Variants in SEMA3D observed in about 807,000 individuals in gnomAD.
SEMA3D encodes semaphorin-3D.
In SEMA3D, 84 loss-of-function variants were observed where a neutral mutation model predicts 100.1. That is an observed-to-expected ratio of 0.84 (90% CI 0.70 to 1.01). The LOEUF is 1.01. Among genes scored for constraint, SEMA3D ranks in the 50% least tolerant of loss-of-function variants. SEMA3D has a pLI of 0.00. For missense variants in SEMA3D, 875 were observed against 934.1 expected (o/e 0.94, Z 0.82); for synonymous variants, 312 against 320.7 (o/e 0.97, Z 0.29).
At chr7:85,235,621 G>GT in the SEMA3D span, among the ~76,000 whole-genome samples, 5 of 152,254 alleles carry the variant, frequency 3.3e-5, no homozygotes, top group South Asian at 1.0e-3. Context: ...ATGGTAAAAT[G>GT]TATAATATGG....
At chr7:85,089,103 T>C (rs1346022145) in intron 4 of SEMA3D, among the ~76,000 whole-genome samples, 1 of 152,158 alleles carries the variant, frequency 6.6e-6, no homozygotes, top group Non-Finnish European at 1.5e-5. Context: ...GCATCGCCGC[T>C]TGGTTTGTGA....
chr7:85,010,096 T>C (rs1283683450), intron 17 of SEMA3D, among the ~76,000 whole-genome samples: 2 of 151,738 alleles, frequency 1.3e-5, no homozygotes, highest in Non-Finnish European at 2.9e-5. Flanking sequence ...TATAAAAAGA[T>C]GGAGCTAAGT....
chr7:85,102,400 G>A (rs555059586), intron 3 of SEMA3D, among the ~76,000 whole-genome samples: 2 of 152,072 alleles, frequency 1.3e-5, no homozygotes, highest in African/African-American at 4.8e-5. Flanking sequence ...CCAGCACCTA[G>A]CTCAGAGTCT....
At chr7:85,127,091 A>G (rs1789590644) in intron 2 of SEMA3D, among the ~76,000 whole-genome samples, 1 of 152,258 alleles carries the variant, frequency 6.6e-6, no homozygotes, top group East Asian at 1.9e-4. Flanking sequence ...CTGGAAGGCC[A>G]TCTGACTCCT....
intron 7 of SEMA3D, among the ~76,000 whole-genome samples, chr7:85,066,113 GA>G (rs1018311823): frequency 2.0e-5 from 3 of 152,116 alleles, no homozygotes; most frequent in African/African-American, 7.2e-5. Flanking sequence ...TGATAAACAG[GA>G]ATTCTTGAAA....
intron 1 of SEMA3D, among the ~76,000 whole-genome samples, chr7:85,158,663 C>T (rs560793027): frequency 2.4e-4 from 36 of 152,260 alleles, no homozygotes; most frequent in African/African-American, 7.2e-4. Flanking sequence ...ACACCCTATT[C>T]GTACAATCCC....
intron 18 of SEMA3D, among the ~76,000 whole-genome samples, chr7:85,002,554 A>G (rs1344876099): frequency 6.6e-6 from 1 of 152,178 alleles, no homozygotes; most frequent in Non-Finnish European, 1.5e-5. Context: ...CATTATGCAG[A>G]CTGTATCTCA....
chr7:85,174,318 A>C (rs1466104493), intron 1 of SEMA3D, among the ~76,000 whole-genome samples: 1 of 152,128 alleles, frequency 6.6e-6, no homozygotes, highest in Non-Finnish European at 1.5e-5. Context: ...AGTGCCTGGC[A>C]TGCAGCGGGT....
intron 17 of SEMA3D, among the ~76,000 whole-genome samples, chr7:85,008,310 A>G (rs1461345528): frequency 1.3e-5 from 2 of 151,812 alleles, no homozygotes; most frequent in Non-Finnish European, 1.5e-5. Flanking sequence ...TAAAAGATAA[A>G]TTGGTGAAAT....
intron 6 of SEMA3D, 55 bp from the exon 7 acceptor site, chr7:85,068,339 A>G: frequency 1.1e-6 from 1 of 904,716 alleles, no homozygotes; most frequent in Non-Finnish European, 1.8e-6. Context: ...ACAAACAGTA[A>G]GAATGTGGGA....
chr7:85,216,876 T>C, the SEMA3D span, among the ~76,000 whole-genome samples: 1 of 151,886 alleles, frequency 6.6e-6, no homozygotes, highest in Non-Finnish European at 1.5e-5. Flanking sequence ...TCTTAAGATC[T>C]CCCACCCCCA....
intron 12 of SEMA3D, among the ~76,000 whole-genome samples, chr7:85,026,591 CT>C (rs1790396941): frequency 6.6e-6 from 1 of 152,000 alleles, no homozygotes; most frequent in South Asian, 2.1e-4. Context: ...TAGTCTAACA[CT>C]AGACAAATTA....
intron 2 of SEMA3D, chr7:85,144,281 G>C (rs1790136925): frequency 5.7e-6 from 1 of 175,238 alleles, no homozygotes; most frequent in Non-Finnish European, 1.1e-5. Context: ...TAAAAGAGGA[G>C]ATTGAATTTA....
At chr7:85,109,216 G>A (rs1375170869) in intron 3 of SEMA3D, among the ~76,000 whole-genome samples, 1 of 151,842 alleles carries the variant, frequency 6.6e-6, no homozygotes, top group Non-Finnish European at 1.5e-5. Context: ...ATTTCCAGAT[G>A]AGAAAACCTA....
the SEMA3D span, among the ~76,000 whole-genome samples, chr7:85,197,610 G>A: frequency 1.3e-5 from 2 of 152,054 alleles, no homozygotes; most frequent in Admixed American, 1.3e-4. Context: ...GATGTTCTGA[G>A]GACCTCCTGA....
intron 1 of SEMA3D, among the ~76,000 whole-genome samples, chr7:85,176,762 G>A (rs1791240362): frequency 6.9e-6 from 1 of 144,484 alleles, no homozygotes; most frequent in Non-Finnish European, 1.5e-5. Context: ...ATATATGTGT[G>A]TGTGTGTGTA....
At chr7:85,248,291 C>A in the SEMA3D span, among the ~76,000 whole-genome samples, 1 of 152,110 alleles carries the variant, frequency 6.6e-6, no homozygotes, top group South Asian at 2.1e-4. Flanking sequence ...TACACACTAC[C>A]AGAATGCCCA....
At chr7:85,250,196 G>A in the SEMA3D span, among the ~76,000 whole-genome samples, 6 of 148,750 alleles carry the variant, frequency 4.0e-5, no homozygotes, top group African/African-American at 7.4e-5. Context: ...ATTATAACCC[G>A]CACCTGGCTC....
chr7:85,207,842 G>C, the SEMA3D span, among the ~76,000 whole-genome samples: 1 of 151,930 alleles, frequency 6.6e-6, no homozygotes, highest in African/African-American at 2.4e-5. Flanking sequence ...AAGTTATAGA[G>C]CTTACATGGA....
Sources: gnomAD v4.1 joint callset for allele counts (sites outside exome capture counted in the v4.1 genomes callset) on GRCh38, gnomAD v4.1.1 for gene constraint, MANE v1.5 for transcripts, NCBI Gene and HGNC (gene_info 2026-07-23, HGNC 2026-07-21) for gene names.